The following CCNB3 variants were observed in gnomAD, a reference collection of about 807,000 sequenced individuals.
The protein encoded by CCNB3 is cyclin B3.
In CCNB3, 12 loss-of-function variants were observed where a neutral mutation model predicts 68.0. That is an observed-to-expected ratio of 0.18 (90% confidence interval 0.11 to 0.29). CCNB3 has a LOEUF of 0.29. CCNB3 is among the 10% of genes least tolerant of loss of function. The pLI is 1.00. For missense variants in CCNB3, 904 were observed against 993.1 expected (o/e 0.91, Z 1.21); for synonymous variants, 354 against 388.9 (o/e 0.91, Z 1.06).
chrX:50,312,544 C>T lies in CCNB3; in HGVS notation c.3335C>T (p.Pro1112Leu), dbSNP rs951434741. 4.2e-6 allele frequency: 5 copies of T among 1,201,174 alleles called. No individual in the cohort carries two copies. The East Asian group carries it at 1.5e-4, about 36-fold the overall frequency. Residue 1112 changes from proline to leucine, a missense_variant, in exon 7 of 13, where the codon CCA becomes CTA. Around this residue, in one of 2 missense-constraint regions of CCNB3, gnomAD observed 285 missense variants for 383.4 expected, o/e 0.74. Coordinates refer to ENST00000376042, the MANE Select transcript of CCNB3 (RefSeq NM_033031.3). ...QAKGTPKEITPREDIDEDSSD... is the reference protein window; with the variant it reads ...QAKGTPKEITLREDIDEDSSD... Reference sequence around the variant, plus strand: ...TTGGTGATTTCTAAGCAGATAACCCCACGGGAAGATATTGATGAGGACAGC... The same window carrying T: ...TTGGTGATTTCTAAGCAGATAACCCTACGGGAAGATATTGATGAGGACAGC...
rs1557214609 is a variant in CCNB3 at position 50,310,552 on chromosome X, G to A, written c.2383G>A (p.Glu795Lys). 1 of 1,210,253 alleles carries A rather than the reference G, an allele frequency of 8.3e-7. No individual in the cohort carries two copies. The highest frequency in any genetic ancestry group is 3.0e-5 in the East Asian group (1 of 33,763). Residue 795 changes from glutamate (E) to lysine (K), a missense_variant, in exon 6 of 13, where the codon GAG (glutamate) becomes AAG (lysine). This residue lies in a region of CCNB3 where 619 missense variants were observed against 609.8 expected (regional missense o/e 1.02). Transcript: ENST00000376042. ...GGGGTATCCCAGCATTGCGGAGGGGGAGACCCTCTTCAAGAAGCTTTTGGC... is the reference window on the plus strand; with the variant it reads ...GGGGTATCCCAGCATTGCGGAGGGGAAGACCCTCTTCAAGAAGCTTTTGGC... The part of the protein sequence containing the change: ...LEGYPSIAEG[E>K]TLFKKLLAMQ...
intron 8 of CCNB3, among the ~76,000 whole-genome samples, chrX:50,332,282 C>G (rs1410059944): frequency 9.0e-6 from 1 of 111,492 alleles, no homozygotes; most frequent in Non-Finnish European, 1.9e-5. Context: ...GGTCATAACA[C>G]ACATCTGGCT....
intron 1 of CCNB3, among the ~76,000 whole-genome samples, chrX:50,225,959 G>C (rs1935750048): frequency 1.1e-5 from 1 of 92,057 alleles, no homozygotes; most frequent in Non-Finnish European, 2.1e-5. Context: ...AGATTAAAAA[G>C]ACAAGAGGAC....
At chrX:50,329,099 T>C (rs1922445999) in intron 8 of CCNB3, among the ~76,000 whole-genome samples, 1 of 112,095 alleles carries the variant, frequency 8.9e-6, no homozygotes, top group Non-Finnish European at 1.9e-5. Context: ...TCTCATGGGC[T>C]GGAGTTGAGT....
chrX:50,228,634 CATATAGAATATATATAGAAT>C (rs1357125628), intron 1 of CCNB3, among the ~76,000 whole-genome samples: 4 of 69,859 alleles, frequency 5.7e-5, no homozygotes, highest in East Asian at 8.3e-4. Context: ...ATAGAATATA[CATATAGAATATATATAGAAT>C]ATATAGAATA....
In CCNB3 at chrX:50,346,754, A is replaced by G. The variant is rs1292569804; in HGVS notation, c.3757A>G (p.Lys1253Glu). Reference sequence around the variant, plus strand: ...GGAAATCAACATCCTGAACGTCCTCAAATGTGACATTAACATTCCCATCGC... The same window carrying G: ...GGAAATCAACATCCTGAACGTCCTCGAATGTGACATTAACATTCCCATCGC... ...SMEINILNVL[K>E]CDINIPIAYH... Residue 1253 changes from lysine (K) to glutamate (E), a missense_variant, in exon 10 of 13, where the codon AAA becomes GAA. This residue lies in a region of CCNB3 where 285 missense variants were observed against 383.4 expected (regional missense o/e 0.74). Coordinates refer to ENST00000376042, the MANE Select transcript of CCNB3 (RefSeq NM_033031.3). 16 of 1,211,681 alleles carry G rather than the reference A, an allele frequency of 1.3e-5. No individual in the cohort carries two copies. The highest frequency in any genetic ancestry group is 1.6e-5 in the Non-Finnish European group (14 of 895,391).
At chrX:50,299,396 T>C (rs1557211874) in intron 5 of CCNB3, among the ~76,000 whole-genome samples, 1 of 111,809 alleles carries the variant, frequency 8.9e-6, no homozygotes, top group Non-Finnish European at 1.9e-5. Context: ...ATTTACCCAG[T>C]AGTCATTCAG....
At chrX:50,339,496 G>T (rs1324071867) in intron 8 of CCNB3, among the ~76,000 whole-genome samples, 2 of 111,934 alleles carry the variant, frequency 1.8e-5, no homozygotes, top group South Asian at 7.4e-4. Flanking sequence ...GTGATTTTGG[G>T]GTCCCAAGAT....
At chrX:50,217,260 C>A in intron 1 of CCNB3, among the ~76,000 whole-genome samples, 1 of 88,134 alleles carries the variant, frequency 1.1e-5, no homozygotes, top group East Asian at 3.6e-4. Context: ...AGTTTCCCTT[C>A]ACTCTTGTTT....
chrX:50,294,227 C>T (rs1057085511), intron 4 of CCNB3, among the ~76,000 whole-genome samples: 9 of 111,531 alleles, frequency 8.1e-5, no homozygotes, highest in Non-Finnish European at 1.3e-4. Context: ...AGGCAAGAGC[C>T]ACTGTGACTA....
chrX:50,285,142 G>C lies in CCNB3; in HGVS notation c.-22G>C. ...CTGATTACAGCCCTGCCTTGGACAAGACGCAGCTGAATCTCTAAGTGATGC... is the reference window on the plus strand; with the variant it reads ...CTGATTACAGCCCTGCCTTGGACAACACGCAGCTGAATCTCTAAGTGATGC... On this transcript the variant is annotated 5_prime_UTR_variant, in exon 3 of 13. Coordinates refer to ENST00000376042, the MANE Select transcript of CCNB3 (RefSeq NM_033031.3). 2 of 1,139,190 alleles carry C rather than the reference G, an allele frequency of 1.8e-6. No homozygotes were observed. The highest frequency in any genetic ancestry group is 4.8e-4 in the Middle Eastern group (2 of 4,198). The allele number at this position is 1,139,190 out of a possible 1,213,427, so 93.9% of individuals were successfully genotyped here. A position where few individuals can be genotyped will look rare whatever the true frequency, so the allele number is the denominator to read the frequency against.
In CCNB3 at chrX:50,308,913, G is replaced by A. The variant is rs375491454; in HGVS notation, c.744G>A (p.Ser248=). The A allele has an allele frequency of 5.2e-5, 63 of 1,209,632 alleles. No homozygotes were observed. The highest frequency in any genetic ancestry group is 3.0e-4 in the South Asian group (17 of 56,673). Residue 248 remains serine, a synonymous_variant, in exon 6 of 13, where the codon TCG becomes TCA. Coordinates refer to ENST00000376042, the MANE Select transcript of CCNB3 (RefSeq NM_033031.3). ...GGAAGCAGTCCTGCCAGGAAGAGTC[G>A]TTGGCTGTGCAGGATGTCAATATGG... ...SQRKQSCQEE[S]LAVQDVNMEE...
Position 50,310,547 on chromosome X carries a change from A to G in CCNB3, c.2378A>G (p.Glu793Gly). 1 of 1,211,570 alleles carries G rather than the reference A, an allele frequency of 8.3e-7. No homozygotes were observed. Among genetic ancestry groups the G allele is most frequent in the Non-Finnish European group, 1.1e-6 (1 of 895,331 alleles). ...TTGGAGGGGTATCCCAGCATTGCGGAGGGGGAGACCCTCTTCAAGAAGCTT... is the reference window on the plus strand; with the variant it reads ...TTGGAGGGGTATCCCAGCATTGCGGGGGGGGAGACCCTCTTCAAGAAGCTT... The part of the protein sequence containing the change: ...LALEGYPSIA[E>G]GETLFKKLLA... Residue 793 changes from glutamate (E) to glycine (G), a missense_variant, in exon 6 of 13, where the codon GAG (glutamate) becomes GGG (glycine). This residue lies in a region of CCNB3 where 619 missense variants were observed against 609.8 expected (regional missense o/e 1.02). Coordinates refer to ENST00000376042, the MANE Select transcript of CCNB3 (RefSeq NM_033031.3).
chrX:50,342,503 G>A (rs1275225040), intron 9 of CCNB3, among the ~76,000 whole-genome samples, 164 bp downstream of exon 9: 2 of 109,538 alleles, frequency 1.8e-5, no homozygotes, highest in African/African-American at 6.7e-5. Context: ...TAATGGAGCT[G>A]GAAAAGTCCT....
At chrX:50,227,933 TA>T (rs1935936491) in intron 1 of CCNB3, among the ~76,000 whole-genome samples, 1 of 84,820 alleles carries the variant, frequency 1.2e-5, no homozygotes, top group Non-Finnish European at 2.2e-5. Flanking sequence ...ATAGACAGAA[TA>T]TATATAAATA....
intron 4 of CCNB3, among the ~76,000 whole-genome samples, chrX:50,291,045 C>T (rs1265639476): frequency 3.6e-5 from 4 of 111,630 alleles, no homozygotes; most frequent in Non-Finnish European, 7.5e-5. Flanking sequence ...TATTAGGTCT[C>T]CATGTCTTCA....
At chrX:50,219,411 G>A (rs1490273495) in intron 1 of CCNB3, among the ~76,000 whole-genome samples, 12 of 111,085 alleles carry the variant, frequency 1.1e-4, no homozygotes, top group South Asian at 3.8e-4. Flanking sequence ...TAGGTCTTAC[G>A]TTTAAGTCTT....
chrX:50,284,056 A>G (rs1436296481), intron 1 of CCNB3, among the ~76,000 whole-genome samples: 1 of 110,851 alleles, frequency 9.0e-6, no homozygotes, highest in East Asian at 2.8e-4. Context: ...TCAGGAATAC[A>G]TTTTTAGCAG....
intron 8 of CCNB3, among the ~76,000 whole-genome samples, chrX:50,316,242 T>C (rs1279547203): frequency 9.0e-6 from 1 of 111,478 alleles, no homozygotes; most frequent in Non-Finnish European, 1.9e-5. Flanking sequence ...TTTTCCATGA[T>C]TGTGAGGCCT....
Sources: gnomAD v4.1 joint callset for allele counts (sites outside exome capture counted in the v4.1 genomes callset) on GRCh38, gnomAD v4.1.1 for gene constraint, gnomAD v4.1.1 regional missense constraint, MANE v1.5 for transcripts, NCBI Gene and HGNC (gene_info 2026-07-23, HGNC 2026-07-21) for gene names.